SHTN1: variants seen among roughly 807,000 people sequenced by gnomAD.
SHTN1 encodes shootin 1.
A neutral mutation model predicts 83.1 loss-of-function variants in SHTN1; 42 were observed. The observed-to-expected ratio is 0.51, with a 90% confidence interval of 0.39 to 0.65. The LOEUF (loss-of-function observed/expected upper bound fraction) is 0.65. SHTN1 is among the 30% of genes least tolerant of loss of function. The probability of loss-of-function intolerance (pLI) is 0.00; values close to 1 mark genes in which losing one functional copy is unlikely to be tolerated. For synonymous variants in SHTN1, 224 were observed against 247.7 expected (o/e 0.90, Z 0.90); for missense variants, 622 against 737.8 (o/e 0.84, Z 1.82).
intron 2 of SHTN1, among the ~76,000 whole-genome samples, chr10:117,034,642 A>G (rs1169466452): frequency 6.8e-6 from 1 of 147,986 alleles, no homozygotes; most frequent in Non-Finnish European, 1.5e-5. Context: ...CTCCATCTTA[A>G]AAAAAAAAAA....
At chr10:117,073,708 G>A (rs987414073) in intron 1 of SHTN1, among the ~76,000 whole-genome samples, 5 of 152,126 alleles carry the variant, frequency 3.3e-5, no homozygotes, top group East Asian at 1.9e-4. Flanking sequence ...TGAACCCTGA[G>A]GCTACTGGCT....
chr10:117,018,498 TA>T (rs1320759236), intron 2 of SHTN1, among the ~76,000 whole-genome samples: 6 of 146,548 alleles, frequency 4.1e-5, no homozygotes, highest in African/African-American at 1.3e-4. Flanking sequence ...GGTGTATGTG[TA>T]TTTTTTTTAA....
At chr10:117,030,622 A>G (rs1337916658) in intron 2 of SHTN1, among the ~76,000 whole-genome samples, 1 of 152,096 alleles carries the variant, frequency 6.6e-6, no homozygotes, top group Non-Finnish European at 1.5e-5. Context: ...CAGAGAAGGA[A>G]TTCAGAATAC....
At chr10:117,078,986 CTTCT>C (rs928536374) in intron 1 of SHTN1, among the ~76,000 whole-genome samples, 21 of 151,464 alleles carry the variant, frequency 1.4e-4, no homozygotes, top group African/African-American at 4.4e-4. Context: ...TAATTTATGT[CTTCT>C]TTGTCTTCAT....
chr10:117,076,182 C>CA lies in SHTN1; in HGVS notation c.-188-27673dup, dbSNP rs10595400. Among the ~76,000 whole-genome samples, 708 of 99,392 alleles carry CA rather than the reference C, an allele frequency of 7.1e-3. 12 individuals are homozygous for CA. The highest frequency in any genetic ancestry group is 0.022 in the African/African-American group (628 of 28,352). 65.2% of individuals were successfully genotyped at this position (99,392 alleles called of 152,430 possible). A position where few individuals can be genotyped will look rare whatever the true frequency, so the allele number is the denominator to read the frequency against. On this transcript the variant is annotated intron_variant, in intron 1 of 17. Coordinates refer to the SHTN1 transcript ENST00000392901. The stretch of plus-strand genomic sequence containing the variant: ...TGCGCGACAAAGCAAGACCCTGTCT[C>CA]AAAAAAAAAAAAAAAAAAAAGATAA...
chr10:116,986,573 G>C (rs565568034), intron 1 of SHTN1, among the ~76,000 whole-genome samples: 2 of 151,906 alleles, frequency 1.3e-5, no homozygotes, highest in Non-Finnish European at 2.9e-5. Context: ...TACTACTCTG[G>C]CAGGTGGCAT....
chr10:117,111,829 T>C (rs1232023218), intron 1 of SHTN1, among the ~76,000 whole-genome samples: 4 of 152,150 alleles, frequency 2.6e-5, no homozygotes, highest in South Asian at 2.1e-4. Flanking sequence ...TTTGTGAATG[T>C]GAGAGGTTGT....
chr10:116,946,409 G>C (rs1407518784), intron 7 of SHTN1, among the ~76,000 whole-genome samples: 1 of 144,702 alleles, frequency 6.9e-6, no homozygotes, highest in Non-Finnish European at 1.5e-5. Flanking sequence ...AAAAATATAT[G>C]TATTATATAT....
intron 1 of SHTN1, among the ~76,000 whole-genome samples, chr10:117,101,207 G>A (rs1853586978): frequency 6.6e-6 from 1 of 152,144 alleles, no homozygotes; most frequent in African/African-American, 2.4e-5. Flanking sequence ...TCACTACACT[G>A]TGCTGGTTCT....
chr10:117,125,965 C>A (rs541505844), intron 1 of SHTN1, among the ~76,000 whole-genome samples: 1 of 152,300 alleles, frequency 6.6e-6, no homozygotes, highest in Admixed American at 6.5e-5. Flanking sequence ...GGGAAGGAAA[C>A]CAAAACAAAA....
intron 1 of SHTN1, among the ~76,000 whole-genome samples, chr10:117,104,133 GATTTTTTTTTACCTC>G (rs1396273085): frequency 1.3e-5 from 2 of 151,938 alleles, no homozygotes; most frequent in Admixed American, 6.6e-5. Flanking sequence ...TTTTTAGCAT[GATTTTTTTTTACCTC>G]ATTTTTTTTT....
At chr10:116,929,760 T>A in intron 10 of SHTN1, 89 bp downstream of exon 10, 2 of 805,860 alleles carry the variant, frequency 2.5e-6, no homozygotes, top group Non-Finnish European at 1.8e-6. Flanking sequence ...CAGTAAATGT[T>A]CTAGACTAAC....
rs981192399 is a variant in SHTN1 at position 117,041,849 on chromosome 10, G to A, written c.-123+6596C>T. On this transcript the variant is annotated intron_variant, in intron 2 of 17. Coordinates refer to the SHTN1 transcript ENST00000392901. ...TTCACCAACACTGAGTTATTTGTTC[G>A]AAATCATCTACTTAAATTTTAAAAT... Among the ~76,000 whole-genome samples the A allele has an allele frequency of 2.0e-5, 3 of 152,046 alleles. No homozygotes were observed. In the East Asian group the frequency reaches 5.8e-4, roughly 29 times the overall value.
intron 15 of SHTN1, 133 bp downstream of exon 15, chr10:116,906,494 C>T: frequency 1.2e-6 from 1 of 821,314 alleles, no homozygotes; most frequent in East Asian, 2.9e-5. Context: ...TTACCCATCC[C>T]ATACTTCTCA....
At chr10:117,054,849 G>A (rs1852805057) in intron 1 of SHTN1, among the ~76,000 whole-genome samples, 1 of 151,970 alleles carries the variant, frequency 6.6e-6, no homozygotes, top group Non-Finnish European at 1.5e-5. Context: ...CACCTTTTCA[G>A]GACAAAGCAA....
chr10:117,107,862 G>A (rs927440353), intron 1 of SHTN1, among the ~76,000 whole-genome samples: 4 of 152,134 alleles, frequency 2.6e-5, no homozygotes, highest in African/African-American at 9.7e-5. Flanking sequence ...GTTTCATTCT[G>A]TCACCCAGGC....
intron 11 of SHTN1, among the ~76,000 whole-genome samples, chr10:116,921,999 C>A (rs1002890017): frequency 1.3e-5 from 2 of 152,170 alleles, no homozygotes; most frequent in Non-Finnish European, 2.9e-5. Context: ...ATCACTCTCT[C>A]TCTGGTCCAT....
chr10:116,882,944 G>C lies in SHTN1; in HGVS notation c.*3400C>G, dbSNP rs1847060999. ...TTTGAAAGGCAGAACAAACATGACT[G>C]GGTGTTCACATACCCTTTGAAAAAT... On this transcript the variant is annotated 3_prime_UTR_variant, in exon 17 of 17. Transcript: ENST00000355371. The C allele has an allele frequency of 6.6e-6, 1 of 150,720 alleles. No homozygotes were observed. The highest frequency in any genetic ancestry group is 2.5e-5 in the African/African-American group (1 of 40,586). 9.3% of individuals were successfully genotyped at this position (150,720 alleles called of 1,614,324 possible).
intron 1 of SHTN1, among the ~76,000 whole-genome samples, chr10:117,004,084 T>C (rs1168489045): frequency 6.6e-6 from 1 of 151,840 alleles, no homozygotes; most frequent in Non-Finnish European, 1.5e-5. Context: ...ATAGGGGTTC[T>C]CCATGTTGGT....
Sources: gnomAD v4.1 joint callset for allele counts (sites outside exome capture counted in the v4.1 genomes callset) on GRCh38, gnomAD v4.1.1 for gene constraint, MANE v1.5 for transcripts, NCBI Gene and HGNC (gene_info 2026-07-23, HGNC 2026-07-21) for gene names.